The following DLC1 variants were observed in gnomAD, a reference collection of about 807,000 sequenced individuals.
The protein encoded by DLC1 is DLC1 Rho GTPase activating protein, also known as rho GTPase-activating protein 7.
DLC1 carries 54 observed loss-of-function variants against 140.3 expected under a neutral mutation model. That is an observed-to-expected ratio of 0.38 (90% CI 0.31 to 0.48). The LOEUF (loss-of-function observed/expected upper bound fraction) is 0.48. DLC1 is among the 20% of genes least tolerant of loss of function. DLC1 has a pLI of 0.96. For missense variants in DLC1, 2,536 were observed against 1,907.0 expected (o/e 1.33, Z -6.14); for synonymous variants, 986 against 728.1 (o/e 1.35, Z -5.70).
intron 1 of DLC1, among the ~76,000 whole-genome samples, chr8:13,552,111 G>GTGTGTATATA (rs1279225632): frequency 9.2e-5 from 5 of 54,528 alleles, no homozygotes; most frequent in African/African-American, 3.8e-4. Context: ...GTCTAGAGGT[G>GTGTGTATATA]TATATATATA....
intron 2 of DLC1, among the ~76,000 whole-genome samples, chr8:13,427,869 G>A (rs1001399608): frequency 3.9e-5 from 6 of 152,164 alleles, no homozygotes; most frequent in Admixed American, 6.5e-5. Context: ...CAGGAATGAT[G>A]TCTTCTTCTG....
In DLC1 at chr8:13,491,493, A is replaced by T. The variant is rs537084788; in HGVS notation, c.1023+7556T>A. 4.6e-5 allele frequency among the ~76,000 whole-genome samples: 7 copies of T among 152,194 alleles called. No homozygotes were observed. The South Asian group carries it at 1.4e-3, about 31-fold the overall frequency. ...TGTTATAGAACATACATAAAATTAA[A>T]TGATAAAATATACGTGAATGGATAT... On this transcript the variant is annotated intron_variant, in intron 2 of 17. Coordinates refer to ENST00000276297, the MANE Select transcript of DLC1 (RefSeq NM_182643.3).
At chr8:13,371,986 A>T (rs189988924) in intron 4 of DLC1, among the ~76,000 whole-genome samples, 26 of 152,282 alleles carry the variant, frequency 1.7e-4, no homozygotes, top group African/African-American at 6.0e-4. Flanking sequence ...CTATAATGGT[A>T]CCTTCTCAAG....
At chr8:13,433,421 A>T (rs941227696) in intron 2 of DLC1, among the ~76,000 whole-genome samples, 1 of 152,168 alleles carries the variant, frequency 6.6e-6, no homozygotes, top group African/African-American at 2.4e-5. Context: ...AAAAGCATGG[A>T]TTAACAGCTA....
intron 1 of DLC1, among the ~76,000 whole-genome samples, chr8:13,555,055 C>T (rs1389535139): frequency 6.6e-6 from 1 of 152,210 alleles, no homozygotes; most frequent in Non-Finnish European, 1.5e-5. Context: ...TTCTCATTGG[C>T]TGTTCTCTTA....
chr8:13,406,736 T>C (rs1837581236), intron 2 of DLC1, among the ~76,000 whole-genome samples: 1 of 152,216 alleles, frequency 6.6e-6, no homozygotes, highest in South Asian at 2.1e-4. Flanking sequence ...ACTCTATGTG[T>C]TCTCTGACTG....
At chr8:13,597,727 A>G (rs975533016) in intron 1 of DLC1, among the ~76,000 whole-genome samples, 4 of 152,112 alleles carry the variant, frequency 2.6e-5, no homozygotes, top group African/African-American at 9.7e-5. Context: ...TTTAATGAAG[A>G]TGTTTTAATT....
intron 4 of DLC1, among the ~76,000 whole-genome samples, chr8:13,363,313 G>A (rs1835324911): frequency 1.3e-5 from 2 of 151,382 alleles, no homozygotes; most frequent in African/African-American, 4.8e-5. Flanking sequence ...CTCAGAGCAT[G>A]CATATTGTGG....
At chr8:13,176,751 G>T (rs1052107184) in intron 5 of DLC1, among the ~76,000 whole-genome samples, 1 of 152,168 alleles carries the variant, frequency 6.6e-6, no homozygotes, top group Non-Finnish European at 1.5e-5. Flanking sequence ...GTAGCAGATA[G>T]AATTAAATTT....
chr8:13,225,404 A>T (rs982407981), intron 5 of DLC1, among the ~76,000 whole-genome samples: 2 of 152,104 alleles, frequency 1.3e-5, no homozygotes, highest in Non-Finnish European at 2.9e-5. Context: ...ACAACCAGGG[A>T]GGGCAAATAT....
chr8:13,312,386 A>AAAAAAAATAATAATAAT (rs71207139), intron 4 of DLC1, among the ~76,000 whole-genome samples: 20 of 81,682 alleles, frequency 2.4e-4, no homozygotes, highest in African/African-American at 8.5e-4. Context: ...AAAAAAAAAA[A>AAAAAAAATAATAATAAT]AATAATTTCT....
chr8:13,517,404 T>C (rs1802623722), upstream of DLC1, among the ~76,000 whole-genome samples: 3 of 152,186 alleles, frequency 2.0e-5, no homozygotes, highest in South Asian at 6.2e-4. Context: ...CTCATAAACA[T>C]ACCCTTTTCT....
At chr8:13,301,197 C>T (rs1487064885) in intron 5 of DLC1, among the ~76,000 whole-genome samples, 1 of 150,848 alleles carries the variant, frequency 6.6e-6, no homozygotes, top group Non-Finnish European at 1.5e-5. Flanking sequence ...TTACCTGTTT[C>T]CAAGAGAGAA....
chr8:13,090,462 C>G lies in DLC1; in HGVS notation c.3864G>C (p.Glu1288Asp). 2 of 1,613,948 alleles carry G rather than the reference C, an allele frequency of 1.2e-6. No individual in the cohort carries two copies. Among genetic ancestry groups the G allele is most frequent in the East Asian group, 2.2e-5 (1 of 44,878 alleles). Residue 1288 changes from glutamate to aspartate, a missense_variant, in exon 15 of 18, where the codon GAG (glutamate) becomes GAC (aspartate). Physicochemically the swap from Glu to Asp is conservative, Grantham distance 45 (BLOSUM62 2). Transcript: ENST00000276297. ...AECKKLFQVPEEMSRCRNSYT... is the reference protein window; with the variant it reads ...AECKKLFQVPDEMSRCRNSYT... ...AGGAATTACGACATCGGCTCATTTC[C>G]TCGGGAACCTGTGCGGAACATGACA...
intron 5 of DLC1, among the ~76,000 whole-genome samples, chr8:13,150,509 C>T (rs1373002750): frequency 6.6e-6 from 1 of 152,122 alleles, no homozygotes; most frequent in African/African-American, 2.4e-5. Flanking sequence ...CTCCCTGGTA[C>T]AGACAGGGAT....
chr8:13,531,336 A>C (rs1245192536), intron 1 of DLC1, among the ~76,000 whole-genome samples: 1 of 152,194 alleles, frequency 6.6e-6, no homozygotes, highest in Non-Finnish European at 1.5e-5. Context: ...CTGTAATCCC[A>C]GCAATTTGGA....
chr8:13,348,571 C>T (rs900937124), intron 4 of DLC1, among the ~76,000 whole-genome samples: 1 of 152,044 alleles, frequency 6.6e-6, no homozygotes, highest in African/African-American at 2.4e-5. Flanking sequence ...TTTTTGACGA[C>T]CATCTTTAGA....
At chr8:13,424,982 C>G (rs72603959) in intron 2 of DLC1, among the ~76,000 whole-genome samples, 15,580 of 152,026 alleles carry the variant, frequency 0.1, 947 homozygotes, top group South Asian at 0.17. Context: ...GCATTTATTG[C>G]TAAATATTGA....
chr8:13,602,741 AAAC>A (rs1210747770), intron 1 of DLC1, among the ~76,000 whole-genome samples: 15 of 151,954 alleles, frequency 9.9e-5, no homozygotes, highest in African/African-American at 1.4e-4. Context: ...AAACAAAATA[AAAC>A]AACATAATTT....
Sources: allele counts gnomAD v4.1 joint callset (sites outside exome capture counted in the v4.1 genomes callset), GRCh38; gene constraint gnomAD v4.1.1; transcripts MANE v1.5; gene names NCBI Gene and HGNC (gene_info 2026-07-23, HGNC 2026-07-21).